The following ESF1 variants were observed in gnomAD, a reference collection of about 807,000 sequenced individuals.
ESF1 encodes the protein ESF1 homolog.
Under a neutral mutation model 92.0 loss-of-function variants are expected in ESF1, and 58 were observed. The observed-to-expected ratio is 0.63, with a 90% CI of 0.51 to 0.78. ESF1 has a LOEUF of 0.78. Among genes scored for constraint, ESF1 ranks in the 30% least tolerant of loss-of-function variants. The probability of loss-of-function intolerance (pLI) is 0.00; values close to 1 mark genes in which losing one functional copy is unlikely to be tolerated. For missense variants in ESF1, 922 were observed against 989.1 expected (o/e 0.93, Z 0.91); for synonymous variants, 321 against 313.7 (o/e 1.02, Z -0.24).
chr20:13,738,362 G>A (rs2049989659), intron 9 of ESF1, among the ~76,000 whole-genome samples: 1 of 148,376 alleles, frequency 6.7e-6, no homozygotes, highest in Admixed American at 6.8e-5. Flanking sequence ...TGCCCAGGCT[G>A]GAGTGCAGTA....
intron 9 of ESF1, among the ~76,000 whole-genome samples, chr20:13,742,073 T>G (rs1202490906): frequency 6.6e-6 from 1 of 152,076 alleles, no homozygotes; most frequent in Non-Finnish European, 1.5e-5. Flanking sequence ...CCTTATAAAG[T>G]TCAACATTCA....
intron 10 of ESF1, 76 bp downstream of exon 10, chr20:13,733,645 T>C: frequency 2.1e-6 from 3 of 1,431,000 alleles, no homozygotes; most frequent in Non-Finnish European, 1.9e-6. Flanking sequence ...TTTGAGATAA[T>C]GGATTCCAAG....
chr20:13,750,046 G>A lies in ESF1; in HGVS notation c.1828+9646C>T, dbSNP rs117918691. On this transcript the variant is annotated intron_variant, in intron 9 of 13. Coordinates refer to ENST00000617257, the MANE Select transcript of ESF1 (RefSeq NM_001276380.2). ...TGGCTTCACCACAGACCTCAATTCC[G>A]AAAATTACCATTGCATATTGCATAC... Among the ~76,000 whole-genome samples the A allele has an allele frequency of 8.6e-4, 131 of 152,278 alleles. 1 individual carries two copies. In the East Asian group the frequency reaches 0.02, roughly 23 times the overall value.
chr20:13,768,959 T>A (rs6042352), intron 7 of ESF1, among the ~76,000 whole-genome samples: 92,698 of 151,160 alleles, frequency 0.61, 28,583 homozygotes, highest in East Asian at 0.71. Flanking sequence ...TAATAAACTA[T>A]TTCAATAGAC....
chr20:13,757,526 G>A (rs915099291), intron 9 of ESF1, among the ~76,000 whole-genome samples: 3 of 152,148 alleles, frequency 2.0e-5, no homozygotes, highest in Non-Finnish European at 4.4e-5. Flanking sequence ...AGCCTCCCCA[G>A]TAGCTGGGAC....
intron 11 of ESF1, among the ~76,000 whole-genome samples, chr20:13,723,670 C>T (rs2049882908): frequency 6.6e-6 from 1 of 151,998 alleles, no homozygotes; most frequent in South Asian, 2.1e-4. Context: ...TCATTTCCTC[C>T]ACATTTTGAA....
Position 13,718,938 on chromosome 20 carries a change from T to C in ESF1, c.2085A>G (p.Pro695=), listed in dbSNP as rs770355784. The C allele has an allele frequency of 1.9e-6, 3 of 1,605,114 alleles. No individual in the cohort carries two copies. Among genetic ancestry groups the C allele is most frequent in the Admixed American group, 1.7e-5 (1 of 58,176 alleles). Residue 695 remains proline (P), a synonymous_variant, in exon 12 of 14, where the codon CCA becomes CCG. Transcript: ENST00000617257. ...GTCTTTCTATTTCAATTTCTTCTTC[T>C]GGAGATGTGCCATCTTTTGCAGATT... ...SVKSAKDGTS[P]EEEIEIERQK...
chr20:13,749,210 C>A (rs1978496517), intron 9 of ESF1, among the ~76,000 whole-genome samples: 1 of 149,926 alleles, frequency 6.7e-6, no homozygotes, highest in Admixed American at 6.7e-5. Flanking sequence ...GGATTACAGG[C>A]ACCTGCCATC....
rs922333946 is a variant in ESF1, at chr20:13,777,588, A to G, written c.638-1318T>C. ...GATCACCTATAAAGACAGAGAAATA[A>G]TATTTATACTTTTTCTGCCAGGTCT... is the stretch of plus-strand genomic sequence containing the variant. On this transcript the variant is annotated intron_variant, in intron 2 of 13. Coordinates refer to ENST00000617257, the MANE Select transcript of ESF1 (RefSeq NM_001276380.2). Among the ~76,000 whole-genome samples the G allele has an allele frequency of 1.2e-4, 18 of 152,278 alleles. No homozygotes were observed. In the East Asian group the frequency reaches 3.5e-3, roughly 29 times the overall value.
At chr20:13,733,132 G>A (rs1274518066) in intron 10 of ESF1, among the ~76,000 whole-genome samples, 20 of 150,736 alleles carry the variant, frequency 1.3e-4, no homozygotes, top group Admixed American at 1.3e-3. Flanking sequence ...CGCCATGTTG[G>A]CCAAGCTGGT....
At chr20:13,780,920 T>G (rs1284204113) in intron 2 of ESF1, among the ~76,000 whole-genome samples, 2 of 152,230 alleles carry the variant, frequency 1.3e-5, no homozygotes, top group Non-Finnish European at 2.9e-5. Context: ...CAAGACCTTA[T>G]TATCTAATCA....
In ESF1 at chr20:13,759,799, T is replaced by C; in HGVS notation, c.1721A>G (p.Asp574Gly). Residue 574 changes from aspartate to glycine, a missense_variant, in exon 9 of 14, where the codon GAT becomes GGT. Transcript: ENST00000617257. ...GTATTTAGCAATTTGTTCTTCATCA[T>C]CCTTCTGACTTTTCTTTGTTTTCCC... ...EDGKTKKSQK[D>G]DEEQIAKYRQ... is the part of the protein sequence containing the mutation. 1 of 1,596,554 alleles carries C rather than the reference T, an allele frequency of 6.3e-7. No homozygotes were observed. The highest frequency in any genetic ancestry group is 8.5e-7 in the Non-Finnish European group (1 of 1,175,380).
chr20:13,730,656 T>A (rs1276063296), intron 10 of ESF1, among the ~76,000 whole-genome samples: 1 of 151,872 alleles, frequency 6.6e-6, no homozygotes, highest in African/African-American at 2.4e-5. Flanking sequence ...AGTACTGGGT[T>A]TACAAGCATG....
rs1387774033 is a variant in ESF1 at position 13,776,019 on chromosome 20, C to T, written c.889G>A (p.Asp297Asn). 6.2e-7 allele frequency: 1 copy of T among 1,613,956 alleles called. No individual in the cohort carries two copies. The highest frequency in any genetic ancestry group is 2.2e-5 in the East Asian group (1 of 44,866). ...DEDSEDDDKS[D>N]SGPDLARGKG... Reference sequence around the variant, plus strand: ...CCCCTTGCAAGATCAGGGCCACTGTCACTTTTATCATCATCCTCACTATCC... The same window carrying T: ...CCCCTTGCAAGATCAGGGCCACTGTTACTTTTATCATCATCCTCACTATCC... Residue 297 changes from aspartate (D) to asparagine (N), a missense_variant, in exon 3 of 14, where the codon GAC (aspartate) becomes AAC (asparagine). Coordinates refer to ENST00000617257, the MANE Select transcript of ESF1 (RefSeq NM_001276380.2).
intron 4 of ESF1, 100 bp downstream of exon 4, chr20:13,775,056 AT>A: frequency 1.4e-6 from 1 of 694,456 alleles, no homozygotes; most frequent in East Asian, 2.7e-5. Flanking sequence ...CTTCCACAGT[AT>A]TTTCCTAAAA....
chr20:13,757,296 G>C (rs1978940930), intron 9 of ESF1, among the ~76,000 whole-genome samples: 1 of 152,118 alleles, frequency 6.6e-6, no homozygotes, highest in Non-Finnish European at 1.5e-5. Flanking sequence ...CCATGACCAA[G>C]GTGGGGTTTA....
Position 13,775,373 on chromosome 20 carries a change from AAATT to A in ESF1, c.1036-107_1036-104del, listed in dbSNP as rs532244894. On this transcript the variant is annotated intron_variant, in intron 3 of 13. Transcript: ENST00000617257. ...AATGCCTTCTGTCCCCTATGCTCTG[AAATT>A]AATAGTACAGGAGTTATCTAAGCGT... 3.4e-5 allele frequency: 24 copies of A among 711,220 alleles called. No homozygotes were observed. The African/African-American group carries it at 4.1e-4, about 12-fold the overall frequency. 44.1% of individuals were successfully genotyped at this position (711,220 alleles called of 1,614,324 possible).
intron 9 of ESF1, among the ~76,000 whole-genome samples, chr20:13,746,670 A>C (rs1320464022): frequency 6.6e-6 from 1 of 152,210 alleles, no homozygotes; most frequent in Non-Finnish European, 1.5e-5. Context: ...AGAAGCTATG[A>C]ATATAGAAGG....
intron 11 of ESF1, among the ~76,000 whole-genome samples, chr20:13,721,474 C>T (rs1010198273): frequency 6.6e-6 from 1 of 152,096 alleles, no homozygotes; most frequent in African/African-American, 2.4e-5. Flanking sequence ...AGGAAGGCCT[C>T]TTCAAGAAGG....
Sources: gnomAD v4.1 joint callset for allele counts (sites outside exome capture counted in the v4.1 genomes callset) on GRCh38, gnomAD v4.1.1 for gene constraint, MANE v1.5 for transcripts, NCBI Gene and HGNC (gene_info 2026-07-23, HGNC 2026-07-21) for gene names.